The following NETO2 variants were observed in gnomAD, a reference collection of about 807,000 sequenced individuals.
NETO2 encodes the protein neuropilin and tolloid like 2, also known as neuropilin and tolloid-like protein 2.
Under a neutral mutation model 62.5 loss-of-function variants are expected in NETO2, and 28 were observed. The ratio of observed to expected loss-of-function variants is 0.45; its 90% CI spans 0.33 to 0.61. NETO2 has a LOEUF of 0.61. Among genes scored for constraint, NETO2 ranks in the 20% least tolerant of loss-of-function variants. NETO2 has a pLI of 0.02. For synonymous variants in NETO2, 214 were observed against 219.1 expected (o/e 0.98, Z 0.21); for missense variants, 548 against 643.2 (o/e 0.85, Z 1.60).
chr16:47,109,624 T>C lies in NETO2; in HGVS notation c.742A>G (p.Ile248Val). ...FVAVYDGSSS[I>V]ENLKAKFCST... ...CAAAACTTGGCCTTCAGGTTTTCAA[T>C]AGAACTGCTTCCATCATAGACTGCA... Residue 248 changes from isoleucine to valine, a missense_variant, in exon 7 of 9, where the codon ATT becomes GTT. Physicochemically the swap from Ile to Val is conservative, Grantham distance 29. Coordinates refer to ENST00000562435, the MANE Select transcript of NETO2 (RefSeq NM_018092.5). 1.2e-6 allele frequency: 2 copies of C among 1,614,156 alleles called. No individual in the cohort carries two copies. The highest frequency in any genetic ancestry group is 1.7e-6 in the Non-Finnish European group (2 of 1,180,006).
rs1963109085 is a variant in NETO2 at position 47,083,310 on chromosome 16, C to T, written c.1489G>A (p.Glu497Lys). The T allele has an allele frequency of 1.2e-6, 2 of 1,614,226 alleles. No homozygotes were observed. Among genetic ancestry groups the T allele is most frequent in the African/African-American group, 2.7e-5 (2 of 75,060 alleles). ...GGAATCTCCTCCATTACTCGGTCTT[C>T]CAGGGCCTGCTCAGGGCACTCATGT... The part of the protein sequence containing the change: ...QGHECPEQAL[E>K]DRVMEEIPCE... The change falls in exon 9 of 9, where the codon GAA (glutamate) becomes AAA (lysine). Residue 497 changes from glutamate to lysine, a missense_variant. Coordinates refer to ENST00000562435, the MANE Select transcript of NETO2 (RefSeq NM_018092.5).
intron 7 of NETO2, among the ~76,000 whole-genome samples, chr16:47,104,455 T>C (rs2143875142): frequency 6.6e-6 from 1 of 152,324 alleles, no homozygotes; most frequent in Non-Finnish European, 1.5e-5. Context: ...ACAATATTAC[T>C]CAAAGTGACC....
At chr16:47,105,348 A>T (rs942535171) in intron 7 of NETO2, among the ~76,000 whole-genome samples, 7 of 152,248 alleles carry the variant, frequency 4.6e-5, no homozygotes, top group African/African-American at 1.7e-4. Context: ...CTCCAAATAC[A>T]TCAAAGACTT....
chr16:47,084,029 C>T (rs889189575), intron 8 of NETO2, among the ~76,000 whole-genome samples: 8 of 152,152 alleles, frequency 5.3e-5, no homozygotes, highest in Non-Finnish European at 8.8e-5. Context: ...GTTCTTGGTC[C>T]GTTTCTTCAG....
intron 7 of NETO2, among the ~76,000 whole-genome samples, chr16:47,105,696 T>C (rs1208939071): frequency 6.6e-6 from 1 of 152,202 alleles, no homozygotes; most frequent in Non-Finnish European, 1.5e-5. Flanking sequence ...GCAAAGAAGA[T>C]GTATGAATAG....
chr16:47,111,245 C>T (rs1963794521), intron 6 of NETO2, among the ~76,000 whole-genome samples: 1 of 152,136 alleles, frequency 6.6e-6, no homozygotes, highest in Non-Finnish European at 1.5e-5. Flanking sequence ...AAAACTATGA[C>T]TTGGTAGAAG....
At chr16:47,097,169 C>T (rs1307120239) in intron 7 of NETO2, among the ~76,000 whole-genome samples, 1 of 152,148 alleles carries the variant, frequency 6.6e-6, no homozygotes, top group Non-Finnish European at 1.5e-5. Context: ...GCCAGCGAGA[C>T]AGAACTGTTC....
At chr16:47,131,730 T>C (rs960663203) in intron 2 of NETO2, among the ~76,000 whole-genome samples, 2 of 152,240 alleles carry the variant, frequency 1.3e-5, no homozygotes, top group African/African-American at 2.4e-5. Context: ...ATCCACAGTA[T>C]GCTAGGAGCT....
chr16:47,105,640 T>TA (rs34358642), intron 7 of NETO2, among the ~76,000 whole-genome samples: 3 of 151,420 alleles, frequency 2.0e-5, no homozygotes, highest in South Asian at 2.1e-4. Flanking sequence ...GTCTACAACT[T>TA]AAAAAAAAAT....
intron 7 of NETO2, among the ~76,000 whole-genome samples, chr16:47,086,987 T>C (rs1007810963): frequency 6.6e-6 from 1 of 152,032 alleles, no homozygotes; most frequent in Non-Finnish European, 1.5e-5. Flanking sequence ...ACATACAACA[T>C]GGACAAAGCC....
intron 7 of NETO2, among the ~76,000 whole-genome samples, chr16:47,097,243 C>A (rs1307801579): frequency 6.6e-6 from 1 of 152,222 alleles, no homozygotes; most frequent in East Asian, 1.9e-4. Flanking sequence ...ATCCCACCCC[C>A]ACGGGGCCCT....
chr16:47,100,572 G>T (rs1834565635), intron 7 of NETO2, among the ~76,000 whole-genome samples: 1 of 151,724 alleles, frequency 6.6e-6, no homozygotes, highest in Non-Finnish European at 1.5e-5. Context: ...TAATAAAGAA[G>T]AAAAGAGAGA....
At chr16:47,142,925 G>A (rs1280352411) in intron 1 of NETO2, among the ~76,000 whole-genome samples, 1 of 152,028 alleles carries the variant, frequency 6.6e-6, no homozygotes, top group Admixed American at 6.6e-5. Flanking sequence ...AGCGCGAGGA[G>A]CGCCGCGTCC....
Position 47,104,969 on chromosome 16 carries a change from C to A in NETO2, c.883+4514G>T, listed in dbSNP as rs1963638984. Among the ~76,000 whole-genome samples, 2 of 152,234 alleles carry A rather than the reference C, an allele frequency of 1.3e-5. 1 individual carries two copies. Among genetic ancestry groups the A allele is most frequent in the Middle Eastern group, 6.8e-3 (2 of 292 alleles). On this transcript the variant is annotated intron_variant, in intron 7 of 8. Transcript: ENST00000562435. ...TCCTGACCTCAGGTGTTCCACCCAC[C>A]TTGGCCTCCCAAAGTGCTCGGATAA...
At chr16:47,124,948 A>C (rs1285245145) in intron 4 of NETO2, among the ~76,000 whole-genome samples, 1 of 152,248 alleles carries the variant, frequency 6.6e-6, no homozygotes, top group African/African-American at 2.4e-5. Context: ...ACTATAGGCC[A>C]TTTAAAGTTG....
At chr16:47,094,519 G>A (rs560986667) in intron 7 of NETO2, among the ~76,000 whole-genome samples, 37 of 151,432 alleles carry the variant, frequency 2.4e-4, no homozygotes, top group African/African-American at 9.0e-4. Context: ...TCCGCCTCCC[G>A]GGTTCACGCC....
intron 1 of NETO2, among the ~76,000 whole-genome samples, 177 bp downstream of exon 1, chr16:47,143,402 G>A (rs970225924): frequency 6.6e-6 from 1 of 151,924 alleles, no homozygotes; most frequent in Non-Finnish European, 1.5e-5. Flanking sequence ...CCGGAGAGCC[G>A]GCGGAGCCGG....
chr16:47,090,808 T>A (rs116219127), intron 7 of NETO2, among the ~76,000 whole-genome samples: 173 of 152,364 alleles, frequency 1.1e-3, no homozygotes, highest in African/African-American at 4.0e-3. Flanking sequence ...TAGTATTCAG[T>A]GCCTGGGAAG....
intron 1 of NETO2, among the ~76,000 whole-genome samples, chr16:47,134,458 T>A (rs927221671): frequency 3.3e-5 from 5 of 152,190 alleles, no homozygotes; most frequent in Admixed American, 6.5e-5. Flanking sequence ...ACAGAAGATT[T>A]ATGATCAAAA....
Sources: gnomAD v4.1 joint callset for allele counts (sites outside exome capture counted in the v4.1 genomes callset) on GRCh38, gnomAD v4.1.1 for gene constraint, MANE v1.5 for transcripts, NCBI Gene and HGNC (gene_info 2026-07-23, HGNC 2026-07-21) for gene names.